The following LYPD6B variants were observed in gnomAD, a reference collection of about 807,000 sequenced individuals.
LYPD6B encodes LY6/PLAUR domain containing 6B.
A neutral mutation model predicts 22.8 loss-of-function variants in LYPD6B; 17 were observed. The observed-to-expected ratio is 0.75, with a 90% CI of 0.51 to 1.12. The LOEUF is 1.12. LYPD6B is among the 50% of genes most tolerant of loss of function. The pLI is 0.00. For missense variants in LYPD6B, 221 were observed against 258.3 expected (o/e 0.86, Z 0.99); for synonymous variants, 106 against 91.6 (o/e 1.16, Z -0.90).
At chr2:149,190,798 T>C (rs1047647577) in intron 3 of LYPD6B, among the ~76,000 whole-genome samples, 1 of 152,334 alleles carries the variant, frequency 6.6e-6, no homozygotes, top group African/African-American at 2.4e-5. Flanking sequence ...AGTGAGATTA[T>C]CTATTGTTTT....
chr2:149,062,013 A>G (rs1330518719), intron 1 of LYPD6B, among the ~76,000 whole-genome samples: 2 of 149,930 alleles, frequency 1.3e-5, no homozygotes, highest in East Asian at 3.9e-4. Context: ...CTTGCTGCCC[A>G]GGCTGGAGTA....
chr2:149,104,338 A>G (rs1234469792), intron 1 of LYPD6B, among the ~76,000 whole-genome samples: 3 of 152,154 alleles, frequency 2.0e-5, no homozygotes, highest in Non-Finnish European at 4.4e-5. Flanking sequence ...ATATGATTTC[A>G]TGTTCCCATA....
intron 1 of LYPD6B, among the ~76,000 whole-genome samples, chr2:149,050,514 C>G (rs1478748996): frequency 6.6e-6 from 1 of 152,074 alleles, no homozygotes; most frequent in Non-Finnish European, 1.5e-5. Flanking sequence ...AAGTACATTA[C>G]CGAAAAAATA....
intron 1 of LYPD6B, among the ~76,000 whole-genome samples, chr2:149,130,328 C>T (rs1285324908): frequency 1.3e-5 from 2 of 152,094 alleles, no homozygotes; most frequent in African/African-American, 2.4e-5. Context: ...GAAGAGAAGT[C>T]GCTAGTTTAA....
chr2:149,168,612 T>TG (rs1690594851), intron 3 of LYPD6B, among the ~76,000 whole-genome samples: 1 of 152,212 alleles, frequency 6.6e-6, no homozygotes, highest in African/African-American at 2.4e-5. Flanking sequence ...CTATCAGCTG[T>TG]GGCTCCCCAT....
chr2:149,099,895 G>A (rs562920686), intron 1 of LYPD6B, among the ~76,000 whole-genome samples: 9 of 152,200 alleles, frequency 5.9e-5, no homozygotes, highest in Admixed American at 5.2e-4. Flanking sequence ...GGCAGCCAGG[G>A]GCTTTGGTTA....
intron 1 of LYPD6B, among the ~76,000 whole-genome samples, chr2:149,040,221 CT>C (rs1037472239): frequency 1.3e-3 from 7 of 5,260 alleles, no homozygotes; most frequent in African/African-American, 1.6e-3. Context: ...CTCTCTCTCT[CT>C]TTTTTTTTTT....
At chr2:149,158,522 A>G (rs534439470) in intron 2 of LYPD6B, among the ~76,000 whole-genome samples, 44 of 152,204 alleles carry the variant, frequency 2.9e-4, no homozygotes, top group Non-Finnish European at 4.0e-4. Flanking sequence ...CTGAGGGTAG[A>G]GGAAATGGGG....
intron 3 of LYPD6B, among the ~76,000 whole-genome samples, chr2:149,163,773 C>A (rs1355630307): frequency 6.6e-6 from 1 of 152,158 alleles, no homozygotes; most frequent in Non-Finnish European, 1.5e-5. Context: ...AGAATGTAAT[C>A]ATTCTCTTGT....
chr2:149,105,016 T>C (rs1020558735), intron 1 of LYPD6B, among the ~76,000 whole-genome samples: 24 of 152,210 alleles, frequency 1.6e-4, no homozygotes, highest in African/African-American at 5.8e-4. Flanking sequence ...AATTATCATA[T>C]CCATAACTTT....
Position 149,170,661 on chromosome 2 carries a change from A to G in LYPD6B, c.77+9826A>G, listed in dbSNP as rs147313793. Reference sequence around the variant, plus strand: ...AGTAGGAGCTGTATTTTGAAACATTATGGTTTATGGGAAAACCTGGCATGT... The same window carrying G: ...AGTAGGAGCTGTATTTTGAAACATTGTGGTTTATGGGAAAACCTGGCATGT... On this transcript the variant is annotated intron_variant, in intron 3 of 6. Transcript: ENST00000409642. Among the ~76,000 whole-genome samples, 118 of 152,328 alleles carry G rather than the reference A, an allele frequency of 7.7e-4. 1 individual carries two copies. The East Asian group carries it at 0.021, about 28-fold the overall frequency.
chr2:149,161,640 A>T (rs569983990), intron 3 of LYPD6B, among the ~76,000 whole-genome samples: 4 of 152,264 alleles, frequency 2.6e-5, no homozygotes, highest in South Asian at 4.2e-4. Context: ...AAGGCTATCA[A>T]CTACCAGCCC....
chr2:149,202,119 C>G (rs1693199889), intron 3 of LYPD6B, among the ~76,000 whole-genome samples: 1 of 152,128 alleles, frequency 6.6e-6, no homozygotes, highest in African/African-American at 2.4e-5. Context: ...CCATATTCCT[C>G]TATGTTCACT....
intron 3 of LYPD6B, among the ~76,000 whole-genome samples, chr2:149,172,607 T>G (rs1440403159): frequency 6.6e-6 from 1 of 152,100 alleles, no homozygotes; most frequent in Non-Finnish European, 1.5e-5. Flanking sequence ...ACACTCATCA[T>G]GATGGTCTGG....
intron 1 of LYPD6B, among the ~76,000 whole-genome samples, chr2:149,078,869 GT>G (rs1463134137): frequency 6.6e-6 from 1 of 152,060 alleles, no homozygotes; most frequent in Non-Finnish European, 1.5e-5. Context: ...TTAGCAGGGT[GT>G]GGTAGCTTGT....
rs1263624374 is a variant in LYPD6B at position 149,085,475 on chromosome 2, A to AT, written c.-66-45401dup. Among the ~76,000 whole-genome samples, 5 of 152,170 alleles carry AT rather than the reference A, an allele frequency of 3.3e-5. No homozygotes were observed. The East Asian group carries it at 5.8e-4, about 18-fold the overall frequency. On this transcript the variant is annotated intron_variant, in intron 1 of 6. Transcript: ENST00000409642. ...AAGGGGTGGCTTAATAGAATTGTTTATTTTTTTCCAGTTTTGACTTTTCTT... is the reference window on the plus strand; with the variant it reads ...AAGGGGTGGCTTAATAGAATTGTTTATTTTTTTTCCAGTTTTGACTTTTCTT...
At chr2:149,209,693 A>G (rs1693723664) in intron 5 of LYPD6B, among the ~76,000 whole-genome samples, 1 of 152,186 alleles carries the variant, frequency 6.6e-6, no homozygotes, top group Non-Finnish European at 1.5e-5. Flanking sequence ...GGAGACCTCT[A>G]CTATGCCTGA....
At chr2:149,084,597 T>A (rs1348621596) in intron 1 of LYPD6B, among the ~76,000 whole-genome samples, 2 of 152,164 alleles carry the variant, frequency 1.3e-5, no homozygotes, top group African/African-American at 2.4e-5. Context: ...GAAACCCAGA[T>A]GTAGATGCCA....
intron 1 of LYPD6B, among the ~76,000 whole-genome samples, chr2:149,130,601 A>T (rs1687967269): frequency 6.6e-6 from 1 of 152,170 alleles, no homozygotes; most frequent in South Asian, 2.1e-4. Context: ...GTGACTGGGG[A>T]AAGGAGTGTT....
Sources: allele counts gnomAD v4.1 joint callset (sites outside exome capture counted in the v4.1 genomes callset), GRCh38; gene constraint gnomAD v4.1.1; transcripts MANE v1.5; gene names NCBI Gene and HGNC (gene_info 2026-07-23, HGNC 2026-07-21).